Variants in RXFP2 observed in about 807,000 individuals in gnomAD.
The protein encoded by RXFP2 is relaxin family peptide receptor 2.
Under a neutral mutation model 88.6 loss-of-function variants are expected in RXFP2, and 68 were observed. The ratio of observed to expected loss-of-function variants is 0.77; its 90% CI spans 0.63 to 0.94. The LOEUF is 0.94. RXFP2 is among the 40% of genes least tolerant of loss of function. The pLI is 0.00. For missense variants in RXFP2, 791 were observed against 893.9 expected (o/e 0.88, Z 1.47); for synonymous variants, 329 against 306.8 (o/e 1.07, Z -0.76).
At chr13:31,759,231 A>G (rs1198322615) in intron 2 of RXFP2, among the ~76,000 whole-genome samples, 1 of 151,630 alleles carries the variant, frequency 6.6e-6, no homozygotes, top group African/African-American at 2.4e-5. Flanking sequence ...TAAGATGATG[A>G]TAAACCTGTA....
At chr13:31,800,996 A>T (rs1260185990) in intron 17 of RXFP2, among the ~76,000 whole-genome samples, 1 of 152,170 alleles carries the variant, frequency 6.6e-6, no homozygotes, top group Non-Finnish European at 1.5e-5. Context: ...GAGAGGAAAG[A>T]GATCAAAGGA....
rs753862522 is a variant in RXFP2, at chr13:31,758,387, C to T, written c.224C>T (p.Ala75Val). Residue 75 changes from alanine to valine, a missense_variant, in exon 2 of 18, where the codon GCG (alanine) becomes GTG (valine). Transcript: ENST00000298386. ...CDGKDDCGNG[A>V]DEENCGDTSG... ...GGCAAGGATGACTGTGGGAACGGGG[C>T]GGACGAAGAGAACTGTGGTGAGTGC... 13 of 1,613,934 alleles carry T rather than the reference C, an allele frequency of 8.1e-6. No homozygotes were observed. The East Asian group carries it at 8.9e-5, about 11-fold the overall frequency.
chr13:31,799,818 G>A (rs1874245716), intron 17 of RXFP2, among the ~76,000 whole-genome samples: 1 of 152,186 alleles, frequency 6.6e-6, no homozygotes, highest in Admixed American at 6.5e-5. Context: ...AGATCAAAGT[G>A]TCAGCAGGTT....
intron 1 of RXFP2, among the ~76,000 whole-genome samples, chr13:31,756,730 T>G (rs758721042): frequency 9.9e-5 from 15 of 151,792 alleles, no homozygotes; most frequent in Non-Finnish European, 2.1e-4. Context: ...CAAGCAACTC[T>G]TCTGCCTCAG....
chr13:31,741,374 C>T (rs1156466577), intron 1 of RXFP2, among the ~76,000 whole-genome samples: 1 of 152,024 alleles, frequency 6.6e-6, no homozygotes, highest in Admixed American at 6.6e-5. Context: ...AAGCAAGACA[C>T]ATTAATCAAT....
chr13:31,739,719 CT>C lies in RXFP2; in HGVS notation c.94+16del. 6.5e-7 allele frequency: 1 copy of C among 1,548,138 alleles called. No individual in the cohort carries two copies. Among genetic ancestry groups the C allele is most frequent in the Non-Finnish European group, 8.9e-7 (1 of 1,120,154 alleles). On this transcript the variant is annotated intron_variant, in intron 1 of 17. Transcript: ENST00000298386. ...ATCAATGTCAAAGGTAAGGTTGCTA[CT>C]TTCTCGTTTTAAATGAGTGCAATTC...
At chr13:31,742,635 T>A (rs1871263380) in intron 1 of RXFP2, among the ~76,000 whole-genome samples, 1 of 152,176 alleles carries the variant, frequency 6.6e-6, no homozygotes. Context: ...TGAATAAATA[T>A]GACCAGATGT....
In RXFP2 at chr13:31,774,850, C is replaced by T. The variant is rs17076647; in HGVS notation, c.569+159C>T. ...TTATTACACTGAAAGAATTATTAAA[C>T]GATTCCTACCTTTACCAGAAGACAT... is the stretch of plus-strand genomic sequence containing the variant. On this transcript the variant is annotated intron_variant, in intron 6 of 17. Transcript: ENST00000298386. Among the ~76,000 whole-genome samples, 22,067 of 152,174 alleles carry T rather than the reference C, an allele frequency of 0.15. 1,584 individuals carry two copies. The highest frequency in any genetic ancestry group is 0.19 in the Middle Eastern group (57 of 294).
At chr13:31,776,990 A>G (rs1447874172) in intron 7 of RXFP2, among the ~76,000 whole-genome samples, 2 of 152,168 alleles carry the variant, frequency 1.3e-5, no homozygotes, top group South Asian at 2.1e-4. Flanking sequence ...TTTCCTAAAA[A>G]TTATACTTTA....
intron 16 of RXFP2, among the ~76,000 whole-genome samples, chr13:31,795,185 T>C (rs1046054401): frequency 4.6e-5 from 7 of 151,572 alleles, no homozygotes; most frequent in Middle Eastern, 3.2e-3. Context: ...AGTCTTGCCC[T>C]GTCTCCCAGG....
Position 31,783,111 on chromosome 13 carries a change from C to A in RXFP2, c.929+364C>A, listed in dbSNP as rs1873365146. ...TGTTTGATAATGAATAACTGACTAA[C>A]TGAAATAATATTAATTCCTTATAAC... On this transcript the variant is annotated intron_variant, in intron 11 of 17. Transcript: ENST00000298386. Among the ~76,000 whole-genome samples the A allele has an allele frequency of 2.0e-5, 3 of 152,136 alleles. No homozygotes were observed. In the South Asian group the frequency reaches 6.2e-4, roughly 31 times the overall value.
At chr13:31,802,114 AC>A (rs1026077503) in intron 17 of RXFP2, 31 bp from the exon 18 acceptor site, 1 of 1,611,304 alleles carries the variant, frequency 6.2e-7, no homozygotes, top group Non-Finnish European at 8.5e-7. Context: ...TAAAACTTCA[AC>A]TTTTTTTTCA....
chr13:31,780,116 C>T (rs1205206886), intron 9 of RXFP2, among the ~76,000 whole-genome samples: 3 of 152,212 alleles, frequency 2.0e-5, no homozygotes, highest in Non-Finnish European at 4.4e-5. Context: ...GAGGAACCAG[C>T]CTCAGAGCTC....
At chr13:31,740,338 C>T (rs1009475174) in intron 1 of RXFP2, among the ~76,000 whole-genome samples, 4 of 151,986 alleles carry the variant, frequency 2.6e-5, no homozygotes, top group African/African-American at 7.2e-5. Context: ...AAAATAAAAC[C>T]TAAATCTTCA....
chr13:31,776,399 G>A (rs1349712146), intron 7 of RXFP2, among the ~76,000 whole-genome samples: 3 of 150,668 alleles, frequency 2.0e-5, no homozygotes, highest in East Asian at 3.9e-4. Flanking sequence ...GGGACTACAC[G>A]TGTGAGCCAC....
rs565387248 is a variant in RXFP2 at position 31,793,900 on chromosome 13, T to G, written c.1786+812T>G. ...CTCTACCCACTGCTGTTGCCTTAGT[T>G]GGAAACCTTACTCCCTCAACCCTGA... is the stretch of plus-strand genomic sequence containing the variant. On this transcript the variant is annotated intron_variant, in intron 16 of 17. Coordinates refer to ENST00000298386, the MANE Select transcript of RXFP2 (RefSeq NM_130806.5). Among the ~76,000 whole-genome samples, 26 of 152,312 alleles carry G rather than the reference T, an allele frequency of 1.7e-4. 1 individual carries two copies. The highest frequency in any genetic ancestry group is 4.6e-4 in the Admixed American group (7 of 15,302).
intron 9 of RXFP2, among the ~76,000 whole-genome samples, chr13:31,779,023 C>T (rs917872243): frequency 6.6e-5 from 10 of 152,116 alleles, no homozygotes; most frequent in Admixed American, 2.0e-4. Context: ...CTATGTACTC[C>T]CACACATTAC....
In RXFP2 at chr13:31,765,952, T is replaced by C; in HGVS notation, c.426-4T>C. 7.0e-7 allele frequency: 1 copy of C among 1,438,246 alleles called. No individual in the cohort carries two copies. The highest frequency in any genetic ancestry group is 9.7e-7 in the Non-Finnish European group (1 of 1,027,796). 89.1% of individuals were successfully genotyped at this position (1,438,246 alleles called of 1,614,324 possible). A position where few individuals can be genotyped will look rare whatever the true frequency, so the allele number is the denominator to read the frequency against. On this transcript the variant is annotated splice_polypyrimidine_tract_variant and splice_region_variant and intron_variant, in intron 4 of 17. Transcript: ENST00000298386. ...AATGAAGTTTGCTTTACATGTTATT[T>C]TAGGTCTCTTAAGAAAAACAAAATC...
chr13:31,765,441 T>TG (rs1051593520), intron 4 of RXFP2, among the ~76,000 whole-genome samples: 5 of 148,924 alleles, frequency 3.4e-5, no homozygotes, highest in African/African-American at 5.0e-5. Flanking sequence ...GCTTTTTTTT[T>TG]TTGTTTTAAA....
Sources: allele counts gnomAD v4.1 joint callset (sites outside exome capture counted in the v4.1 genomes callset), GRCh38; gene constraint gnomAD v4.1.1; transcripts MANE v1.5; gene names NCBI Gene and HGNC (gene_info 2026-07-23, HGNC 2026-07-21).